SORCS1: variants seen among roughly 807,000 people sequenced by gnomAD.
SORCS1 encodes the protein VPS10 domain-containing receptor SorCS1.
A neutral mutation model predicts 146.1 loss-of-function variants in SORCS1; 60 were observed. The ratio of observed to expected loss-of-function variants is 0.41; its 90% CI spans 0.33 to 0.51. SORCS1 has a LOEUF of 0.51. Among genes scored for constraint, SORCS1 ranks in the 20% least tolerant of loss-of-function variants. The pLI is 0.21. For missense variants in SORCS1, 1,352 were observed against 1,487.6 expected (o/e 0.91, Z 1.50); for synonymous variants, 637 against 584.0 (o/e 1.09, Z -1.31).
intron 2 of SORCS1, among the ~76,000 whole-genome samples, chr10:106,902,400 A>G (rs1390125273): frequency 6.6e-6 from 1 of 152,168 alleles, no homozygotes; most frequent in Non-Finnish European, 1.5e-5. Flanking sequence ...AAAAGAAATC[A>G]CCACATGCCC....
intron 5 of SORCS1, among the ~76,000 whole-genome samples, chr10:106,739,980 C>T (rs1033341957): frequency 2.6e-5 from 4 of 151,516 alleles, no homozygotes; most frequent in African/African-American, 9.7e-5. Flanking sequence ...AAATTTAAAC[C>T]TGAGCATTTT....
intron 2 of SORCS1, among the ~76,000 whole-genome samples, chr10:106,889,165 C>T (rs187265255): frequency 1.3e-5 from 2 of 152,262 alleles, no homozygotes; most frequent in East Asian, 3.9e-4. Flanking sequence ...GGTTAAGCAT[C>T]CTCTTCTCTG....
At chr10:107,136,076 G>A (rs1967272576) in intron 1 of SORCS1, among the ~76,000 whole-genome samples, 1 of 151,660 alleles carries the variant, frequency 6.6e-6, no homozygotes, top group South Asian at 2.1e-4. Flanking sequence ...AAGATGAAAG[G>A]AAAAGGTGGC....
intron 1 of SORCS1, among the ~76,000 whole-genome samples, chr10:107,014,705 A>G (rs1008648055): frequency 6.6e-6 from 1 of 152,234 alleles, no homozygotes; most frequent in Non-Finnish European, 1.5e-5. Context: ...CTGTGTTTTA[A>G]AAAGCCCTCC....
In SORCS1 at chr10:106,989,677, TTTG is replaced by T. The variant is rs1360346341; in HGVS notation, c.559-33100_559-33098del. 8.2e-3 allele frequency among the ~76,000 whole-genome samples: 689 copies of T among 84,068 alleles called. 92 individuals carry two copies. The highest frequency in any genetic ancestry group is 0.023 in the African/African-American group (629 of 27,442). The allele number at this position is 84,068 out of a possible 152,430, so 55.2% of individuals were successfully genotyped here. On this transcript the variant is annotated intron_variant, in intron 1 of 25. Transcript: ENST00000263054. Reference sequence around the variant, plus strand: ...TATACTCATATTTTTTCTGTTTTTTTTTGTTTTTTTTTTTTTTTTTTTTTTCTG... The same window carrying T: ...TATACTCATATTTTTTCTGTTTTTTTTTTTTTTTTTTTTTTTTTTTTTCTG...
At chr10:106,670,895 T>C (rs1225459381) in intron 16 of SORCS1, among the ~76,000 whole-genome samples, 1 of 151,992 alleles carries the variant, frequency 6.6e-6, no homozygotes, top group Non-Finnish European at 1.5e-5. Flanking sequence ...GGTTTTACCA[T>C]GTTTCCCAGG....
At chr10:106,783,346 G>A (rs929164262) in intron 3 of SORCS1, among the ~76,000 whole-genome samples, 5 of 152,180 alleles carry the variant, frequency 3.3e-5, no homozygotes, top group Admixed American at 1.3e-4. Flanking sequence ...CAGTGGTAAG[G>A]TTATCTATGT....
intron 1 of SORCS1, among the ~76,000 whole-genome samples, chr10:107,051,767 C>G (rs979793465): frequency 6.6e-5 from 10 of 152,256 alleles, no homozygotes; most frequent in Middle Eastern, 3.4e-3. Context: ...TAAAATGAAA[C>G]CAAGAATTCC....
At position 106,612,090 on chromosome 10, in the gene SORCS1, T is replaced by C. The variant is rs1176088917; in HGVS notation, c.2921-67A>G. ...TCCTGTCAAGAGGTTTGTTAGACTT[T>C]ATATTTTATACAAAATGGAGGGTCC... On this transcript the variant is annotated intron_variant, in intron 21 of 25. Transcript: ENST00000263054. 1.3e-5 allele frequency: 16 copies of C among 1,262,332 alleles called. 1 individual carries two copies. In the South Asian group the frequency reaches 1.4e-4, roughly 11 times the overall value. The allele number at this position is 1,262,332 out of a possible 1,614,324, so 78.2% of individuals were successfully genotyped here.
chr10:106,856,373 T>G (rs1275296251), intron 2 of SORCS1, among the ~76,000 whole-genome samples: 2 of 152,188 alleles, frequency 1.3e-5, no homozygotes, highest in Non-Finnish European at 2.9e-5. Flanking sequence ...TCAGATTTTT[T>G]GGGAGTCTTT....
At chr10:106,896,200 G>A (rs139562057) in intron 2 of SORCS1, among the ~76,000 whole-genome samples, 8,246 of 152,072 alleles carry the variant, frequency 0.054, 601 homozygotes, top group African/African-American at 0.16. Flanking sequence ...AGGCCAAGGC[G>A]GGTGGATCAC....
intron 6 of SORCS1, among the ~76,000 whole-genome samples, chr10:106,719,444 C>T (rs1190071064): frequency 4.7e-5 from 7 of 149,158 alleles, no homozygotes; most frequent in East Asian, 2.0e-4. Flanking sequence ...GATGGAGTCT[C>T]GCTCTGTCGC....
chr10:106,824,102 G>C (rs966489326), intron 3 of SORCS1, among the ~76,000 whole-genome samples: 5 of 148,054 alleles, frequency 3.4e-5, no homozygotes, highest in Admixed American at 6.7e-5. Context: ...TCAGGAGTTC[G>C]AAACCAGCCT....
chr10:106,935,233 T>C (rs1417607475), intron 2 of SORCS1, among the ~76,000 whole-genome samples: 1 of 152,204 alleles, frequency 6.6e-6, no homozygotes, highest in Non-Finnish European at 1.5e-5. Context: ...TGTTTCTACC[T>C]CTTAGAATGT....
At chr10:106,988,667 T>G (rs1397959678) in intron 1 of SORCS1, among the ~76,000 whole-genome samples, 1 of 151,922 alleles carries the variant, frequency 6.6e-6, no homozygotes, top group East Asian at 1.9e-4. Context: ...ATTGGCAGAG[T>G]AGGAAAAATG....
At position 107,079,052 on chromosome 10, in the gene SORCS1, C is replaced by T. The variant is rs188016157; in HGVS notation, c.558+84917G>A. On this transcript the variant is annotated intron_variant, in intron 1 of 25. Transcript: ENST00000263054. ...CATCCTGGCTAACGTGGTGAAACCACGTCTCTACTAAAAATACAAAAAAAT... is the reference window on the plus strand; with the variant it reads ...CATCCTGGCTAACGTGGTGAAACCATGTCTCTACTAAAAATACAAAAAAAT... Among the ~76,000 whole-genome samples, 11 of 152,204 alleles carry T rather than the reference C, an allele frequency of 7.2e-5. No homozygotes were observed. In the East Asian group the frequency reaches 1.7e-3, roughly 24 times the overall value.
chr10:107,178,502 AT>A, the SORCS1 span, among the ~76,000 whole-genome samples: 11 of 128,180 alleles, frequency 8.6e-5, no homozygotes, highest in Middle Eastern at 4.4e-3. Context: ...ATATATATAT[AT>A]TTTTTTTTAA....
chr10:106,609,306 CA>C (rs1285365242), intron 22 of SORCS1, among the ~76,000 whole-genome samples: 1 of 152,122 alleles, frequency 6.6e-6, no homozygotes, highest in Non-Finnish European at 1.5e-5. Flanking sequence ...TCATTGTACA[CA>C]AAAATGTTTA....
chr10:107,167,772 T>C (rs1970086787), upstream of SORCS1, among the ~76,000 whole-genome samples: 2 of 151,918 alleles, frequency 1.3e-5, no homozygotes, highest in South Asian at 2.1e-4. Context: ...CAGTTTTATA[T>C]ACAATATAAA....
Sources: allele counts gnomAD v4.1 joint callset (sites outside exome capture counted in the v4.1 genomes callset), GRCh38; gene constraint gnomAD v4.1.1; transcripts MANE v1.5; gene names NCBI Gene and HGNC (gene_info 2026-07-23, HGNC 2026-07-21).